CRYBG1: variants seen among roughly 807,000 people sequenced by gnomAD.
The protein encoded by CRYBG1 is crystallin beta-gamma domain containing 1, also known as beta/gamma crystallin domain-containing protein 1.
CRYBG1 carries 139 observed loss-of-function variants against 189.2 expected under a neutral mutation model. The observed-to-expected ratio is 0.73, with a 90% CI of 0.64 to 0.85. The LOEUF (loss-of-function observed/expected upper bound fraction) is 0.85. CRYBG1 is among the 40% of genes least tolerant of loss of function. The pLI is 0.00. For synonymous variants in CRYBG1, 1,023 were observed against 1,017.1 expected, an observed-to-expected ratio of 1.01 and a Z score of -0.11; for missense variants, 2,611 against 2,675.8, an observed-to-expected ratio of 0.98 and a Z score of 0.53.
At chr6:106,545,819 C>T (rs1042316342) in intron 13 of CRYBG1, among the ~76,000 whole-genome samples, 6 of 152,180 alleles carry the variant, frequency 3.9e-5, no homozygotes, top group Non-Finnish European at 8.8e-5. Context: ...GTTGGGACCA[C>T]AGATGTGTGC....
chr6:106,544,095 A>C lies in CRYBG1; in HGVS notation c.5040-476A>C, dbSNP rs557202284. ...GCCTGTTCAAGTTGATCAAATCTAC[A>C]ACCTTGCTTATTAGAATTATGCTCC... On this transcript the variant is annotated intron_variant, in intron 11 of 21. Coordinates refer to ENST00000633556, the MANE Select transcript of CRYBG1 (RefSeq NM_001371242.2). 2.2e-4 allele frequency among the ~76,000 whole-genome samples: 34 copies of C among 152,356 alleles called. 1 individual carries two copies. Among genetic ancestry groups the C allele is most frequent in the Admixed American group, 7.2e-4 (11 of 15,308 alleles).
intron 1 of CRYBG1, among the ~76,000 whole-genome samples, chr6:106,385,659 T>C (rs1770372409): frequency 6.6e-6 from 1 of 152,206 alleles, no homozygotes; most frequent in African/African-American, 2.4e-5. Context: ...TAAACGTCGG[T>C]AGACTCGTCA....
At chr6:106,393,516 A>G (rs1268124980) in intron 1 of CRYBG1, among the ~76,000 whole-genome samples, 2 of 152,172 alleles carry the variant, frequency 1.3e-5, no homozygotes, top group Non-Finnish European at 2.9e-5. Context: ...TGAGCCCTGC[A>G]TGGGCAGGGA....
At chr6:106,534,644 G>A (rs1378708963) in intron 8 of CRYBG1, among the ~76,000 whole-genome samples, 3 of 152,204 alleles carry the variant, frequency 2.0e-5, no homozygotes, top group Non-Finnish European at 2.9e-5. Flanking sequence ...CAAAATAAGG[G>A]TGTTACTTGT....
intron 8 of CRYBG1, among the ~76,000 whole-genome samples, chr6:106,534,003 T>C (rs1266582064): frequency 1.3e-5 from 2 of 152,200 alleles, no homozygotes; most frequent in Non-Finnish European, 2.9e-5. Flanking sequence ...AGTGGGAATC[T>C]AAGCAAAAGA....
chr6:106,362,118 C>T (rs1292272313), intron 1 of CRYBG1, among the ~76,000 whole-genome samples: 28 of 136,546 alleles, frequency 2.1e-4, no homozygotes, highest in Admixed American at 1.7e-3. Flanking sequence ...CACAGGCGCC[C>T]GCCACCACGC....
At chr6:106,434,021 C>G (rs930730298) in intron 1 of CRYBG1, among the ~76,000 whole-genome samples, 5 of 151,940 alleles carry the variant, frequency 3.3e-5, no homozygotes. Context: ...AACCAGGACT[C>G]TAGTCATCTA....
intron 8 of CRYBG1, among the ~76,000 whole-genome samples, chr6:106,531,146 A>T (rs1773868849): frequency 6.6e-6 from 1 of 152,212 alleles, no homozygotes; most frequent in African/African-American, 2.4e-5. Context: ...GTGAACAATA[A>T]GGCACTCCTT....
chr6:106,409,747 A>G (rs887213089), intron 1 of CRYBG1, among the ~76,000 whole-genome samples: 1 of 152,212 alleles, frequency 6.6e-6, no homozygotes, highest in African/African-American at 2.4e-5. Flanking sequence ...GATCTTTGAC[A>G]AACCTGACAA....
intron 1 of CRYBG1, among the ~76,000 whole-genome samples, chr6:106,407,886 A>C (rs945163804): frequency 6.6e-6 from 1 of 152,238 alleles, no homozygotes; most frequent in African/African-American, 2.4e-5. Context: ...GTCAAGAGGG[A>C]AATTTATAGC....
chr6:106,475,995 T>C (rs1161577778), intron 2 of CRYBG1, among the ~76,000 whole-genome samples: 1 of 152,214 alleles, frequency 6.6e-6, no homozygotes, highest in Non-Finnish European at 1.5e-5. Flanking sequence ...AATGAGTACC[T>C]GTGTAAGTAG....
chr6:106,451,959 T>C, intron 2 of CRYBG1, 127 bp downstream of exon 2: 26 of 452,240 alleles, frequency 5.7e-5, no homozygotes, highest in South Asian at 8.5e-5. Flanking sequence ...TCATAAATTA[T>C]ATATATCATA....
chr6:106,409,329 C>T (rs1289805681), intron 1 of CRYBG1, among the ~76,000 whole-genome samples: 1 of 152,098 alleles, frequency 6.6e-6, no homozygotes, highest in Non-Finnish European at 1.5e-5. Context: ...TGTGAAAGAC[C>T]TCTTCAAGGA....
intron 2 of CRYBG1, among the ~76,000 whole-genome samples, chr6:106,508,237 T>C (rs1447896373): frequency 6.6e-6 from 1 of 152,240 alleles, no homozygotes; most frequent in Non-Finnish European, 1.5e-5. Context: ...AGTGAGACCC[T>C]GTGAAATGTG....
chr6:106,423,256 T>G lies in CRYBG1; in HGVS notation c.174-28438T>G, dbSNP rs867274650. Reference sequence around the variant, plus strand: ...GTAAGTGCTAGAGTTGGCTGGTTTTTTTTTTTTTTTTTTTTTTTCGCTATC... The same window carrying G: ...GTAAGTGCTAGAGTTGGCTGGTTTTGTTTTTTTTTTTTTTTTTTCGCTATC... On this transcript the variant is annotated intron_variant, in intron 1 of 21. Transcript: ENST00000633556. 4.0e-5 allele frequency among the ~76,000 whole-genome samples: 6 copies of G among 148,378 alleles called. No homozygotes were observed. In the Middle Eastern group the frequency reaches 0.01, roughly 256 times the overall value.
At chr6:106,530,135 AT>A in intron 7 of CRYBG1, 40 bp from the exon 8 acceptor site, 2 of 1,529,808 alleles carry the variant, frequency 1.3e-6, no homozygotes, top group Non-Finnish European at 1.8e-6. Context: ...AGTGAAATAC[AT>A]GGTGCAATTC....
chr6:106,525,171 A>G lies in CRYBG1; in HGVS notation c.4284A>G (p.Arg1428=). 6.2e-7 allele frequency: 1 copy of G among 1,614,086 alleles called. No individual in the cohort carries two copies. The highest frequency in any genetic ancestry group is 8.5e-7 in the Non-Finnish European group (1 of 1,179,998). Residue 1428 remains arginine (R), a synonymous_variant, in exon 5 of 22, where the codon CGA becomes CGG. Coordinates refer to ENST00000633556, the MANE Select transcript of CRYBG1 (RefSeq NM_001371242.2). ...GTGTCCAAAATAAACTCAATCCCCG[A>G]CCTGGAAAGGTAAGATTATTTTCTG... ...RGSVQNKLNP[R]PGKVVIYSEP...
At chr6:106,521,563 T>G in intron 4 of CRYBG1, 110 bp downstream of exon 4, 1 of 1,229,634 alleles carries the variant, frequency 8.1e-7, no homozygotes, top group East Asian at 2.4e-5. Context: ...TTATGTGCTA[T>G]AGTTTTTATT....
rs1024990688 is a variant in CRYBG1 at position 106,458,399 on chromosome 6, T to C, written c.312+6567T>C. Among the ~76,000 whole-genome samples, 4 of 152,202 alleles carry C rather than the reference T, an allele frequency of 2.6e-5. 1 individual carries two copies. Among genetic ancestry groups the C allele is most frequent in the Admixed American group, 2.0e-4 (3 of 15,270 alleles). On this transcript the variant is annotated intron_variant, in intron 2 of 21. Transcript: ENST00000633556. ...TCCTGCTCAAACAGCTCCTTTTTTG[T>C]GATCTCTGCCCCAGGAAAGTTGTTT...
Sources: gnomAD v4.1 joint callset for allele counts (sites outside exome capture counted in the v4.1 genomes callset) on GRCh38, gnomAD v4.1.1 for gene constraint, MANE v1.5 for transcripts, NCBI Gene and HGNC (gene_info 2026-07-23, HGNC 2026-07-21) for gene names.